The following PSD3 variants were observed in gnomAD, a reference collection of about 807,000 sequenced individuals.
PSD3 encodes the protein PH and SEC7 domain-containing protein 3.
Under a neutral mutation model 105.5 loss-of-function variants are expected in PSD3, and 49 were observed. The ratio of observed to expected loss-of-function variants is 0.46; its 90% CI spans 0.37 to 0.59. PSD3 has a LOEUF of 0.59. PSD3 is among the 20% of genes least tolerant of loss of function. The pLI, the probability that PSD3 is intolerant of heterozygous loss-of-function variation, is 0.00. For synonymous variants in PSD3, 557 were observed against 457.8 expected, an observed-to-expected ratio of 1.22 and a Z score of -2.77; for missense variants, 1,561 against 1,263.8, an observed-to-expected ratio of 1.24 and a Z score of -3.57.
intron 9 of PSD3, 82 bp from the exon 10 acceptor site, chr8:18,655,767 T>C: frequency 7.3e-7 from 1 of 1,364,586 alleles, no homozygotes; most frequent in Non-Finnish European, 1.0e-6. Flanking sequence ...AAGTAATTCC[T>C]TCATAAAAGG....
At position 18,557,634 on chromosome 8, in the gene PSD3, A is replaced by G. The variant is rs1801158378; in HGVS notation, c.2785-1282T>C. 3 of 153,008 alleles carry G rather than the reference A, an allele frequency of 2.0e-5. No individual in the cohort carries two copies. The Admixed American group carries it at 2.0e-4, about 10-fold the overall frequency. The allele number at this position is 153,008 out of a possible 1,614,324, so 9.5% of individuals were successfully genotyped here. ...CACGTGGAGTGATCTAAAAATGACA[A>G]GATTCATTTCTAAATGCCAACTATA... On this transcript the variant is annotated intron_variant, in intron 14 of 15. Coordinates refer to ENST00000327040, the MANE Select transcript of PSD3 (RefSeq NM_015310.4).
chr8:19,053,665 G>A (rs998444), intron 1 of PSD3, among the ~76,000 whole-genome samples: 63,479 of 151,796 alleles, frequency 0.42, 15,591 homozygotes, highest in Non-Finnish European at 0.55. Context: ...GGTGGTGGGC[G>A]CCTGTAGTCC....
At chr8:18,537,598 T>C (rs1799911823) in intron 15 of PSD3, among the ~76,000 whole-genome samples, 1 of 152,168 alleles carries the variant, frequency 6.6e-6, no homozygotes, top group Non-Finnish European at 1.5e-5. Context: ...GAAGAGTCTT[T>C]TGGGGGGCTT....
At chr8:19,055,455 G>A (rs1004882059) in intron 1 of PSD3, among the ~76,000 whole-genome samples, 1 of 152,094 alleles carries the variant, frequency 6.6e-6, no homozygotes, top group Non-Finnish European at 1.5e-5. Flanking sequence ...ATTTCACCAG[G>A]TTAGCCAGGC....
At chr8:18,818,529 A>C (rs1403634181) in intron 4 of PSD3, among the ~76,000 whole-genome samples, 1 of 152,136 alleles carries the variant, frequency 6.6e-6, no homozygotes, top group Non-Finnish European at 1.5e-5. Flanking sequence ...TTTAAGACTG[A>C]AATCATGGCA....
chr8:18,988,910 T>C lies in PSD3; in HGVS notation c.21+24653A>G, dbSNP rs182349186. 6.9e-4 allele frequency among the ~76,000 whole-genome samples: 105 copies of C among 152,268 alleles called. 1 individual carries two copies. The highest frequency in any genetic ancestry group is 1.9e-3 in the African/African-American group (81 of 41,562). ...TGTCCGGGAATGTAAGCGCTTGCCATTTTGCCATGGGGGCTTCAAAGCTGA... is the reference window on the plus strand; with the variant it reads ...TGTCCGGGAATGTAAGCGCTTGCCACTTTGCCATGGGGGCTTCAAAGCTGA... On this transcript the variant is annotated intron_variant, in intron 1 of 15. Coordinates refer to ENST00000327040, the MANE Select transcript of PSD3 (RefSeq NM_015310.4).
At chr8:18,616,373 C>A (rs1031906411) in intron 11 of PSD3, among the ~76,000 whole-genome samples, 5 of 152,188 alleles carry the variant, frequency 3.3e-5, no homozygotes, top group Admixed American at 6.5e-5. Flanking sequence ...CTCTGCAAAG[C>A]TATCTTTTGT....
chr8:18,746,494 G>A (rs1020207010), intron 9 of PSD3, among the ~76,000 whole-genome samples: 1 of 152,106 alleles, frequency 6.6e-6, no homozygotes, highest in South Asian at 2.1e-4. Context: ...GCACACCAGC[G>A]TGGCCAAGGG....
At position 18,530,118 on chromosome 8, in the gene PSD3, A is replaced by T. The variant is rs1174895509; in HGVS notation, c.*5625T>A. On this transcript the variant is annotated 3_prime_UTR_variant, in exon 16 of 16. Transcript: ENST00000327040. ...GAGGCAGTGTGTTTAAACAAAAGAC[A>T]CTGCACTCAGCCACTCACTCAAACA... 6.6e-6 allele frequency: 1 copy of T among 152,568 alleles called. No homozygotes were observed. Among genetic ancestry groups the T allele is most frequent in the Non-Finnish European group, 1.5e-5 (1 of 68,024 alleles). 9.5% of individuals were successfully genotyped at this position (152,568 alleles called of 1,614,324 possible). A position where few individuals can be genotyped will look rare whatever the true frequency, so the allele number is the denominator to read the frequency against.
chr8:18,970,409 CA>C (rs1419494454), intron 1 of PSD3, among the ~76,000 whole-genome samples: 1 of 147,542 alleles, frequency 6.8e-6, no homozygotes, highest in Non-Finnish European at 1.5e-5. Context: ...GGCAAACCAA[CA>C]TTCCTTATTT....
intron 2 of PSD3, among the ~76,000 whole-genome samples, chr8:18,910,565 C>T (rs1820144327): frequency 8.3e-6 from 1 of 120,990 alleles, no homozygotes; most frequent in African/African-American, 3.2e-5. Context: ...TGCAGCGCAC[C>T]AGCATGGCAC....
chr8:18,922,801 A>T (rs1821114766), intron 2 of PSD3, among the ~76,000 whole-genome samples: 1 of 152,170 alleles, frequency 6.6e-6, no homozygotes, highest in South Asian at 2.1e-4. Context: ...ACTTATGTTT[A>T]CCAACTTCTG....
chr8:18,815,344 T>TG (rs1210472520), intron 4 of PSD3, among the ~76,000 whole-genome samples: 1 of 152,190 alleles, frequency 6.6e-6, no homozygotes, highest in African/African-American at 2.4e-5. Flanking sequence ...AGTCTCGCTC[T>TG]GTTGCCCAGG....
intron 10 of PSD3, among the ~76,000 whole-genome samples, chr8:18,648,126 G>C (rs1054715878): frequency 1.0e-4 from 13 of 128,400 alleles, no homozygotes; most frequent in African/African-American, 3.6e-4. Flanking sequence ...GTGGGGAATT[G>C]CTATAAAAAA....
intron 2 of PSD3, among the ~76,000 whole-genome samples, chr8:18,917,342 G>A (rs755041616): frequency 6.6e-6 from 1 of 152,090 alleles, no homozygotes; most frequent in Non-Finnish European, 1.5e-5. Flanking sequence ...GCACACGGCC[G>A]CTGAATAAAT....
chr8:18,620,415 A>C (rs1806030173), intron 11 of PSD3, among the ~76,000 whole-genome samples: 1 of 137,040 alleles, frequency 7.3e-6, no homozygotes, highest in Non-Finnish European at 1.5e-5. Context: ...AAGATATTTT[A>C]TGGAGTTTGG....
chr8:18,904,657 T>A (rs563866279), intron 2 of PSD3, among the ~76,000 whole-genome samples: 21 of 152,356 alleles, frequency 1.4e-4, no homozygotes, highest in Non-Finnish European at 2.8e-4. Context: ...AAGTACATCT[T>A]CTGTAATTAT....
intron 12 of PSD3, among the ~76,000 whole-genome samples, chr8:18,590,569 T>C (rs1229942200): frequency 6.6e-6 from 1 of 152,164 alleles, no homozygotes; most frequent in Non-Finnish European, 1.5e-5. Flanking sequence ...AATTTAGAAA[T>C]ATGTTTTCAG....
chr8:18,726,414 C>T (rs559418320), intron 9 of PSD3, among the ~76,000 whole-genome samples: 1 of 152,274 alleles, frequency 6.6e-6, no homozygotes, highest in South Asian at 2.1e-4. Flanking sequence ...ACTGTAATTC[C>T]CCAATATTCT....
Sources: gnomAD v4.1 joint callset for allele counts (sites outside exome capture counted in the v4.1 genomes callset) on GRCh38, gnomAD v4.1.1 for gene constraint, MANE v1.5 for transcripts, NCBI Gene and HGNC (gene_info 2026-07-23, HGNC 2026-07-21) for gene names.